The following ADAMTS14 variants were observed in gnomAD, a reference collection of about 807,000 sequenced individuals.
The protein encoded by ADAMTS14 is A disintegrin and metalloproteinase with thrombospondin motifs 14.
ADAMTS14 carries 100 observed loss-of-function variants against 128.6 expected under a neutral mutation model. That is an observed-to-expected ratio of 0.78 (90% CI 0.66 to 0.92). ADAMTS14 has a LOEUF of 0.92. ADAMTS14 is among the 40% of genes least tolerant of loss of function. The pLI is 0.00. For synonymous variants in ADAMTS14, 665 were observed against 653.8 expected, an observed-to-expected ratio of 1.02 and a Z score of -0.26; for missense variants, 1,562 against 1,658.6, an observed-to-expected ratio of 0.94 and a Z score of 1.01.
At chr10:70,745,005 A>C (rs971578114) in intron 14 of ADAMTS14, among the ~76,000 whole-genome samples, 5 of 152,090 alleles carry the variant, frequency 3.3e-5, no homozygotes, top group African/African-American at 1.2e-4. Context: ...TCTCACACAC[A>C]CGGAGGCCCT....
At position 70,686,274 on chromosome 10, in the gene ADAMTS14, C is replaced by CTTT. The variant is rs5785998; in HGVS notation, c.522+11294_522+11296dup. ...GGCTGAAGGCCTTTGTCAGCCTTTG[C>CTTT]TTTTTTTTTTTTTTTTTAATTTATT... On this transcript the variant is annotated intron_variant, in intron 2 of 21. Coordinates refer to ENST00000373207, the MANE Select transcript of ADAMTS14 (RefSeq NM_080722.4). Among the ~76,000 whole-genome samples the CTTT allele has an allele frequency of 8.7e-4, 109 of 125,316 alleles. 1 individual carries two copies. The East Asian group carries it at 0.013, about 15-fold the overall frequency. The allele number at this position is 125,316 out of a possible 152,430, so 82.2% of individuals were successfully genotyped here. A position where few individuals can be genotyped will look rare whatever the true frequency, so the allele number is the denominator to read the frequency against.
Position 70,743,732 on chromosome 10 carries a change from C to G in ADAMTS14, c.2058+51C>G, listed in dbSNP as rs147715140. 3.3e-5 allele frequency: 50 copies of G among 1,505,220 alleles called. No individual in the cohort carries two copies. The African/African-American group carries it at 6.8e-4, about 21-fold the overall frequency. The allele number at this position is 1,505,220 out of a possible 1,614,324, so 93.2% of individuals were successfully genotyped here. ...CTACCGGCACAGGGAGACTGGAGGG[C>G]TGCACTGTAGCCCCTCCTGCCTGGG... On this transcript the variant is annotated intron_variant, in intron 13 of 21. Coordinates refer to ENST00000373207, the MANE Select transcript of ADAMTS14 (RefSeq NM_080722.4).
At position 70,733,738 on chromosome 10, in the gene ADAMTS14, A is replaced by C. The variant is rs572490419; in HGVS notation, c.1209-147A>C. ...CTTGGAGAGAAGATTGGTCCTCCCC[A>C]CTACGTGGTTGGAAAACTGAGGCCA... On this transcript the variant is annotated intron_variant, in intron 7 of 21. Transcript: ENST00000373207. The C allele has an allele frequency of 1.4e-4, 142 of 1,007,582 alleles. 2 individuals are homozygous for C. In the South Asian group the frequency reaches 2.3e-3, roughly 17 times the overall value. 62.4% of individuals were successfully genotyped at this position (1,007,582 alleles called of 1,614,324 possible). A position where few individuals can be genotyped will look rare whatever the true frequency, so the allele number is the denominator to read the frequency against.
chr10:70,727,562 G>A (rs879234165), intron 4 of ADAMTS14, among the ~76,000 whole-genome samples: 28 of 83,582 alleles, frequency 3.4e-4, no homozygotes, highest in Non-Finnish European at 4.4e-4. Context: ...CCCTGACCGC[G>A]CTGGTGGCAT....
chr10:70,705,618 T>A (rs888317493), intron 3 of ADAMTS14, among the ~76,000 whole-genome samples: 2 of 152,268 alleles, frequency 1.3e-5, no homozygotes, highest in African/African-American at 4.8e-5. Context: ...CAACGCCCCC[T>A]GGCAACCACT....
At chr10:70,698,992 G>C (rs929395934) in intron 2 of ADAMTS14, among the ~76,000 whole-genome samples, 1 of 152,108 alleles carries the variant, frequency 6.6e-6, no homozygotes, top group Non-Finnish European at 1.5e-5. Context: ...TCATATCCTT[G>C]GTGAGAGGTG....
chr10:70,727,248 G>A (rs528303361), intron 4 of ADAMTS14, among the ~76,000 whole-genome samples: 3 of 152,342 alleles, frequency 2.0e-5, no homozygotes, highest in South Asian at 2.1e-4. Flanking sequence ...CCAGCAAAGC[G>A]TACATCTCCT....
At chr10:70,738,714 C>A in intron 10 of ADAMTS14, 128 bp from the exon 11 acceptor site, 1 of 1,300,034 alleles carries the variant, frequency 7.7e-7, no homozygotes, top group Non-Finnish European at 1.1e-6. Flanking sequence ...TAAGGCTGCT[C>A]AGCTCATGCT....
intron 2 of ADAMTS14, among the ~76,000 whole-genome samples, chr10:70,682,162 G>C (rs1446483953): frequency 2.6e-5 from 4 of 152,232 alleles, no homozygotes; most frequent in Non-Finnish European, 5.9e-5. Context: ...CTGGGTTGGA[G>C]GGGCAGGAGG....
intron 3 of ADAMTS14, among the ~76,000 whole-genome samples, chr10:70,703,549 C>T (rs979886020): frequency 5.9e-5 from 9 of 152,166 alleles, no homozygotes; most frequent in Admixed American, 5.2e-4. Flanking sequence ...GCTGGCGGGG[C>T]CTCTGAGCAC....
chr10:70,755,313 CAAAAA>C (rs33982477), intron 19 of ADAMTS14, among the ~76,000 whole-genome samples: 2 of 118,236 alleles, frequency 1.7e-5, no homozygotes, highest in Non-Finnish European at 1.7e-5. Flanking sequence ...GCTTGTCTCA[CAAAAA>C]AAAAAAAAAA....
chr10:70,705,802 G>A (rs1256596316), intron 3 of ADAMTS14, among the ~76,000 whole-genome samples: 1 of 152,344 alleles, frequency 6.6e-6, no homozygotes, highest in East Asian at 1.9e-4. Flanking sequence ...CTAGTCCAGT[G>A]TATGGGCATG....
intron 15 of ADAMTS14, 75 bp downstream of exon 15, chr10:70,745,381 A>G (rs749349865): frequency 6.9e-5 from 101 of 1,468,952 alleles, no homozygotes; most frequent in Non-Finnish European, 9.0e-5. Flanking sequence ...CTGGGAGACC[A>G]GAGGACAAGA....
chr10:70,704,322 G>A (rs1246108175), intron 3 of ADAMTS14, among the ~76,000 whole-genome samples: 1 of 151,944 alleles, frequency 6.6e-6, no homozygotes, highest in Non-Finnish European at 1.5e-5. Context: ...CCTGAAAAGG[G>A]CATGTGTGGG....
intron 4 of ADAMTS14, among the ~76,000 whole-genome samples, chr10:70,718,822 G>T (rs1841152688): frequency 1.3e-5 from 2 of 151,832 alleles, no homozygotes; most frequent in African/African-American, 2.4e-5. Context: ...CCACAGGTGA[G>T]TACCACCATG....
chr10:70,694,552 G>T (rs978483965), intron 2 of ADAMTS14, among the ~76,000 whole-genome samples: 4 of 152,036 alleles, frequency 2.6e-5, no homozygotes, highest in African/African-American at 9.7e-5. Context: ...CCAGCCCTTG[G>T]CAGTGACGAA....
chr10:70,719,746 A>C (rs1035552668), intron 4 of ADAMTS14, among the ~76,000 whole-genome samples: 1 of 152,220 alleles, frequency 6.6e-6, no homozygotes, highest in Non-Finnish European at 1.5e-5. Context: ...TTGATCAAGC[A>C]CATGCTATGG....
intron 8 of ADAMTS14, 42 bp downstream of exon 8, chr10:70,734,070 C>A (rs761113371): frequency 1.3e-6 from 2 of 1,589,022 alleles, no homozygotes; most frequent in Non-Finnish European, 1.7e-6. Context: ...GGGGAGCATG[C>A]GACCTGCCAC....
In ADAMTS14 at chr10:70,674,737, C is replaced by G. The variant is rs752458774; in HGVS notation, c.264C>G (p.Ser88Arg). 6.2e-7 allele frequency: 1 copy of G among 1,613,376 alleles called. No homozygotes were observed. Among genetic ancestry groups the G allele is most frequent in the South Asian group, 1.1e-5 (1 of 91,076 alleles). The change falls in exon 2 of 22, where the codon AGC becomes AGG. Residue 88 changes from serine (S) to arginine (R), a missense_variant. Transcript: ENST00000373207. ...RHSSHLRVARSPLHPGGTLWP... is the reference protein window; with the variant it reads ...RHSSHLRVARRPLHPGGTLWP... ...CCAGTCACCTCCGGGTGGCTCGCAG[C>G]CCTCTGCACCCAGGAGGGACCCTGT...
Sources: allele counts gnomAD v4.1 joint callset (sites outside exome capture counted in the v4.1 genomes callset), GRCh38; gene constraint gnomAD v4.1.1; transcripts MANE v1.5; gene names NCBI Gene and HGNC (gene_info 2026-07-23, HGNC 2026-07-21).